PTPRD: variants seen among roughly 807,000 people sequenced by gnomAD.
The protein encoded by PTPRD is receptor-type tyrosine-protein phosphatase delta.
Under a neutral mutation model 214.5 loss-of-function variants are expected in PTPRD, and 34 were observed. The observed-to-expected ratio is 0.16, with a 90% CI of 0.12 to 0.21. The LOEUF is 0.21. PTPRD is among the 10% of genes least tolerant of loss of function. PTPRD has a pLI of 1.00. For missense variants in PTPRD, 2,545 were observed against 2,398.7 expected (o/e 1.06, Z -1.27); for synonymous variants, 1,128 against 845.7 (o/e 1.33, Z -5.79).
At chr9:10,479,330 A>G (rs1738593357) in intron 2 of PTPRD, among the ~76,000 whole-genome samples, 2 of 152,146 alleles carry the variant, frequency 1.3e-5, no homozygotes, top group Non-Finnish European at 2.9e-5. Context: ...CAGGCTTTTA[A>G]AGACCAACAC....
At chr9:9,816,451 G>A (rs1192898105) in intron 5 of PTPRD, among the ~76,000 whole-genome samples, 1 of 151,364 alleles carries the variant, frequency 6.6e-6, no homozygotes, top group Admixed American at 6.6e-5. Flanking sequence ...AAAGTGCTTT[G>A]GTACATTTAC....
At chr9:9,247,457 C>CT (rs1039196293) in intron 9 of PTPRD, among the ~76,000 whole-genome samples, 5 of 152,044 alleles carry the variant, frequency 3.3e-5, no homozygotes, top group Admixed American at 2.0e-4. Context: ...ATTTGTTATG[C>CT]TTTTTTCCTG....
chr9:9,418,748 T>G (rs2077731336), intron 8 of PTPRD, among the ~76,000 whole-genome samples: 1 of 151,962 alleles, frequency 6.6e-6, no homozygotes, highest in African/African-American at 2.4e-5. Context: ...GACATAGTCT[T>G]TGCTCTTGAG....
At chr9:9,754,430 T>A (rs562700037) in intron 6 of PTPRD, among the ~76,000 whole-genome samples, 1 of 152,076 alleles carries the variant, frequency 6.6e-6, no homozygotes, top group Non-Finnish European at 1.5e-5. Context: ...ACTGACTCGG[T>A]GACCCTCTTC....
intron 8 of PTPRD, among the ~76,000 whole-genome samples, chr9:9,497,141 T>A (rs574884856): frequency 6.6e-6 from 1 of 152,164 alleles, no homozygotes; most frequent in Non-Finnish European, 1.5e-5. Flanking sequence ...TTTAGTTTTA[T>A]AAGATGAGAA....
rs962875265 is a variant in PTPRD at position 8,322,261 on chromosome 9, G to A, written c.5535-2295C>T. Among the ~76,000 whole-genome samples the A allele has an allele frequency of 2.6e-5, 4 of 151,886 alleles. No individual in the cohort carries two copies. The East Asian group carries it at 5.9e-4, about 22-fold the overall frequency. On this transcript the variant is annotated intron_variant, in intron 44 of 45. Transcript: ENST00000381196. ...GTGTTCAAGTGAAAGGGAGAGTCGC[G>A]TGTATCTAACTAACTTTAAATCACA...
chr9:9,435,194 T>G lies in PTPRD; in HGVS notation c.-236-37712A>C, dbSNP rs543100641. Among the ~76,000 whole-genome samples, 5 of 152,102 alleles carry G rather than the reference T, an allele frequency of 3.3e-5. No homozygotes were observed. In the South Asian group the frequency reaches 8.3e-4, roughly 25 times the overall value. ...CCCCCAAACAAGAATTGCTAGTAAG[T>G]GGGAAAAAGTTTAAACTTTAAAACG... is the stretch of plus-strand genomic sequence containing the variant. On this transcript the variant is annotated intron_variant, in intron 8 of 45. Transcript: ENST00000381196.
At chr9:8,790,412 T>A (rs35883751) in intron 11 of PTPRD, among the ~76,000 whole-genome samples, 53,027 of 151,560 alleles carry the variant, frequency 0.35, 11,367 homozygotes, top group Middle Eastern at 0.5. Context: ...ATCTTGTCTG[T>A]TTTTTGTTTT....
chr9:10,509,580 T>TA (rs1491395020), intron 2 of PTPRD, among the ~76,000 whole-genome samples: 2,342 of 134,680 alleles, frequency 0.017, 139 homozygotes, highest in African/African-American at 0.062. Flanking sequence ...TATATATATA[T>TA]TTTACTCACT....
intron 11 of PTPRD, among the ~76,000 whole-genome samples, chr9:8,989,413 A>G (rs936939471): frequency 2.6e-5 from 4 of 151,914 alleles, no homozygotes; most frequent in African/African-American, 7.3e-5. Flanking sequence ...CTCTATCTCT[A>G]TGAAATCTAT....
At chr9:10,510,912 T>C (rs928205426) in intron 2 of PTPRD, among the ~76,000 whole-genome samples, 3 of 152,170 alleles carry the variant, frequency 2.0e-5, no homozygotes, top group Non-Finnish European at 4.4e-5. Flanking sequence ...CTCCATGAGA[T>C]GAATACTTTT....
At chr9:9,484,970 T>G (rs926691692) in intron 8 of PTPRD, among the ~76,000 whole-genome samples, 1 of 152,190 alleles carries the variant, frequency 6.6e-6, no homozygotes, top group African/African-American at 2.4e-5. Flanking sequence ...TTCTGGGATT[T>G]AAATAATTTC....
chr9:9,804,551 G>C (rs1253761157), intron 5 of PTPRD, among the ~76,000 whole-genome samples: 2 of 152,034 alleles, frequency 1.3e-5, no homozygotes, highest in Non-Finnish European at 1.5e-5. Context: ...TTTTGAGGAA[G>C]ACTCTCAGAT....
chr9:9,999,734 A>G (rs1034565917), intron 4 of PTPRD, among the ~76,000 whole-genome samples: 1 of 152,242 alleles, frequency 6.6e-6, no homozygotes, highest in Non-Finnish European at 1.5e-5. Context: ...AAGTAGTTAC[A>G]GGAAAGATTT....
At chr9:10,496,483 A>G (rs180944019) in intron 2 of PTPRD, among the ~76,000 whole-genome samples, 12 of 152,122 alleles carry the variant, frequency 7.9e-5, no homozygotes, top group African/African-American at 1.9e-4. Flanking sequence ...GACATTTGCA[A>G]CATTAATATT....
At chr9:8,792,714 T>C (rs1469257483) in intron 11 of PTPRD, among the ~76,000 whole-genome samples, 1 of 152,152 alleles carries the variant, frequency 6.6e-6, no homozygotes, top group African/African-American at 2.4e-5. Context: ...AATTTAACTA[T>C]TGATAGAAGA....
At chr9:8,328,967 T>A (rs1836837019) in intron 44 of PTPRD, among the ~76,000 whole-genome samples, 1 of 152,166 alleles carries the variant, frequency 6.6e-6, no homozygotes, top group South Asian at 2.1e-4. Context: ...TGCATTAAAT[T>A]AGTAACATGG....
chr9:8,487,539 T>A (rs934255203), intron 27 of PTPRD, among the ~76,000 whole-genome samples: 2 of 151,426 alleles, frequency 1.3e-5, no homozygotes, highest in Non-Finnish European at 2.9e-5. Context: ...AACCAGCGGC[T>A]GGGTGTGGTG....
chr9:9,426,841 G>A lies in PTPRD; in HGVS notation c.-236-29359C>T, dbSNP rs373510303. On this transcript the variant is annotated intron_variant, in intron 8 of 45. Coordinates refer to ENST00000381196, the MANE Select transcript of PTPRD (RefSeq NM_002839.4). ...CAAACTCTAACAGACCTGCAGCTGA[G>A]GGTCCTGACTGTTAGAAGGAAAACT... Among the ~76,000 whole-genome samples, 270 of 152,286 alleles carry A rather than the reference G, an allele frequency of 1.8e-3. 3 individuals are homozygous for A. In the South Asian group the frequency reaches 0.052, roughly 30 times the overall value.
Sources: gnomAD v4.1 joint callset for allele counts (sites outside exome capture counted in the v4.1 genomes callset) on GRCh38, gnomAD v4.1.1 for gene constraint, MANE v1.5 for transcripts, NCBI Gene and HGNC (gene_info 2026-07-23, HGNC 2026-07-21) for gene names.